Variants in DNAJC1 observed in about 807,000 individuals in gnomAD.
DNAJC1 encodes the protein dnaJ homolog subfamily C member 1.
A neutral mutation model predicts 76.6 loss-of-function variants in DNAJC1; 58 were observed. The ratio of observed to expected loss-of-function variants is 0.76; its 90% CI spans 0.61 to 0.94. DNAJC1 has a LOEUF of 0.94. Ranked by LOEUF, DNAJC1 falls within the 40% of genes least tolerant of loss-of-function variation. DNAJC1 has a pLI of 0.00. For synonymous variants in DNAJC1, 258 were observed against 267.9 expected (o/e 0.96, Z 0.36); for missense variants, 689 against 677.3 (o/e 1.02, Z -0.19).
intron 1 of DNAJC1, among the ~76,000 whole-genome samples, chr10:21,998,468 G>A (rs941704015): frequency 6.6e-6 from 1 of 151,208 alleles, no homozygotes; most frequent in African/African-American, 2.4e-5. Flanking sequence ...AGCAGGTGCT[G>A]TTACACAAAA....
intron 5 of DNAJC1, 141 bp downstream of exon 5, chr10:21,919,691 T>C (rs1837009198): frequency 1.9e-6 from 1 of 533,724 alleles, no homozygotes. Context: ...TCATAAACAA[T>C]GGCACATTAT....
At chr10:21,881,267 CTT>C (rs1228992577) in intron 8 of DNAJC1, among the ~76,000 whole-genome samples, 2 of 152,192 alleles carry the variant, frequency 1.3e-5, no homozygotes, top group African/African-American at 4.8e-5. Flanking sequence ...GGTTGTTTTG[CTT>C]GCTTACCTTT....
intron 8 of DNAJC1, among the ~76,000 whole-genome samples, chr10:21,827,805 C>G (rs1008733663): frequency 2.0e-5 from 3 of 152,234 alleles, no homozygotes; most frequent in African/African-American, 7.2e-5. Flanking sequence ...ATTCAACCCA[C>G]TATACATTGA....
intron 7 of DNAJC1, among the ~76,000 whole-genome samples, chr10:21,902,718 T>TA (rs1350345376): frequency 6.6e-6 from 1 of 152,232 alleles, no homozygotes; most frequent in East Asian, 1.9e-4. Flanking sequence ...TGTATAGTGA[T>TA]AAACACTTCA....
Position 22,003,500 on chromosome 10 carries a change from C to G in DNAJC1, c.-66G>C, listed in dbSNP as rs1026457764. Reference sequence around the variant, plus strand: ...TGGCCGAGAGCTGGGACGTGGCGGGCGGCGCTGGCTGTGGGGAACAGCGCC... The same window carrying G: ...TGGCCGAGAGCTGGGACGTGGCGGGGGGCGCTGGCTGTGGGGAACAGCGCC... On this transcript the variant is annotated 5_prime_UTR_variant, in exon 1 of 12. Coordinates refer to ENST00000376980, the MANE Select transcript of DNAJC1 (RefSeq NM_022365.4). 7.7e-7 allele frequency: 1 copy of G among 1,301,464 alleles called. No homozygotes were observed. The allele number at this position is 1,301,464 out of a possible 1,614,324, so 80.6% of individuals were successfully genotyped here.
intron 1 of DNAJC1, among the ~76,000 whole-genome samples, chr10:21,972,301 A>T (rs1000586755): frequency 6.6e-6 from 1 of 151,984 alleles, no homozygotes; most frequent in Admixed American, 6.5e-5. Flanking sequence ...GCATGAGTCC[A>T]CAGACCATAT....
At chr10:21,937,537 CTTTTAATAATGACTGGAACAA>C in intron 1 of DNAJC1, among the ~76,000 whole-genome samples, 1 of 152,188 alleles carries the variant, frequency 6.6e-6, no homozygotes, top group Non-Finnish European at 1.5e-5. Flanking sequence ...TAATACTCCA[CTTTTAATAATGACTGGAACAA>C]TCAGAAAGAA....
At position 21,904,582 on chromosome 10, in the gene DNAJC1, C is replaced by T. The variant is rs199829427; in HGVS notation, c.760G>A (p.Glu254Lys). 3.4e-5 allele frequency: 54 copies of T among 1,606,640 alleles called. No individual in the cohort carries two copies. In the East Asian group the frequency reaches 1.2e-3, roughly 36 times the overall value. Residue 254 changes from glutamate to lysine, a missense_variant, in exon 7 of 12, where the codon GAA becomes AAA. Transcript: ENST00000376980. ...DAGQFYAKYK[E>K]TRLKEKEDAL... Reference sequence around the variant, plus strand: ...TCTTCCTTTTCCTTCAATCTTGTTTCTTTATATTTAGCATAAAACTGCCCA... The same window carrying T: ...TCTTCCTTTTCCTTCAATCTTGTTTTTTTATATTTAGCATAAAACTGCCCA...
At chr10:21,925,088 C>CA (rs1837105151) in intron 3 of DNAJC1, among the ~76,000 whole-genome samples, 1 of 152,072 alleles carries the variant, frequency 6.6e-6, no homozygotes, top group South Asian at 2.1e-4. Flanking sequence ...GCAATCCTCC[C>CA]ATCTCAGCAT....
At position 21,882,266 on chromosome 10, in the gene DNAJC1, T is replaced by C. The variant is rs1836294118; in HGVS notation, c.978+16A>G. On this transcript the variant is annotated intron_variant, in intron 8 of 11. Transcript: ENST00000376980. ...TACATGTTTTACTCAAAACAAGTTTTATAAAGCTTATTTACCTGTTTTTTC... is the reference window on the plus strand; with the variant it reads ...TACATGTTTTACTCAAAACAAGTTTCATAAAGCTTATTTACCTGTTTTTTC... 2.5e-6 allele frequency: 4 copies of C among 1,587,546 alleles called. No individual in the cohort carries two copies. The highest frequency in any genetic ancestry group is 3.4e-6 in the Non-Finnish European group (4 of 1,173,546).
At chr10:21,760,367 G>A (rs1696127805) in intron 10 of DNAJC1, among the ~76,000 whole-genome samples, 1 of 152,242 alleles carries the variant, frequency 6.6e-6, no homozygotes, top group African/African-American at 2.4e-5. Flanking sequence ...CCTCAATACA[G>A]TAGCAGTTAC....
At chr10:21,839,196 A>G (rs888867715) in intron 8 of DNAJC1, among the ~76,000 whole-genome samples, 1 of 152,272 alleles carries the variant, frequency 6.6e-6, no homozygotes, top group Non-Finnish European at 1.5e-5. Flanking sequence ...AAGAACTAGA[A>G]AAGCAAGAGC....
In DNAJC1 at chr10:22,003,426, A is replaced by G; in HGVS notation, c.9T>C (p.Ala3=). Residue 3 remains alanine, a synonymous_variant, in exon 1 of 12, where the codon GCT becomes GCC. Coordinates refer to ENST00000376980, the MANE Select transcript of DNAJC1 (RefSeq NM_022365.4). ...GAAGCTGCGCCGGCTGGGAGCAAGGAGCCGTCATCGCGCTGGGCTCGGAAA... is the reference window on the plus strand; with the variant it reads ...GAAGCTGCGCCGGCTGGGAGCAAGGGGCCGTCATCGCGCTGGGCTCGGAAA... MT[A]PCSQPAQLPG... 7.3e-7 allele frequency: 1 copy of G among 1,365,446 alleles called. No individual in the cohort carries two copies. Among genetic ancestry groups the G allele is most frequent in the Non-Finnish European group, 9.4e-7 (1 of 1,061,804 alleles). The allele number at this position is 1,365,446 out of a possible 1,614,324, so 84.6% of individuals were successfully genotyped here.
chr10:21,832,312 T>A (rs546705426), intron 8 of DNAJC1, among the ~76,000 whole-genome samples: 1 of 152,344 alleles, frequency 6.6e-6, no homozygotes, highest in South Asian at 2.1e-4. Flanking sequence ...GTTTTTCTTC[T>A]ATGTGCTTCC....
chr10:21,971,569 T>C (rs537087909), intron 1 of DNAJC1, among the ~76,000 whole-genome samples: 1 of 151,988 alleles, frequency 6.6e-6, no homozygotes, highest in African/African-American at 2.4e-5. Flanking sequence ...TTTAAGCTCC[T>C]TCCTTTGAGA....
At chr10:21,872,964 C>T (rs1836127204) in intron 8 of DNAJC1, among the ~76,000 whole-genome samples, 1 of 152,172 alleles carries the variant, frequency 6.6e-6, no homozygotes, top group Non-Finnish European at 1.5e-5. Context: ...GTGCCCTGGG[C>T]CTGGTAGTTA....
intron 1 of DNAJC1, among the ~76,000 whole-genome samples, chr10:21,949,573 T>C (rs565329551): frequency 5.5e-4 from 83 of 151,690 alleles, no homozygotes; most frequent in South Asian, 8.4e-4. Flanking sequence ...CCTGCCACCA[T>C]GCCCGGCTAA....
At chr10:21,792,664 C>A (rs1834704102) in intron 9 of DNAJC1, among the ~76,000 whole-genome samples, 1 of 150,346 alleles carries the variant, frequency 6.7e-6, no homozygotes, top group African/African-American at 2.5e-5. Flanking sequence ...GAGGCTCAGG[C>A]AGGAGAATTG....
chr10:21,766,841 T>C (rs1834305732), intron 9 of DNAJC1, among the ~76,000 whole-genome samples: 1 of 151,758 alleles, frequency 6.6e-6, no homozygotes, highest in African/African-American at 2.4e-5. Flanking sequence ...AAGGCGGTGG[T>C]TGCCTGTAAT....
Sources: gnomAD v4.1 joint callset for allele counts (sites outside exome capture counted in the v4.1 genomes callset) on GRCh38, gnomAD v4.1.1 for gene constraint, MANE v1.5 for transcripts, NCBI Gene and HGNC (gene_info 2026-07-23, HGNC 2026-07-21) for gene names.